The following MCTP2 variants were observed in gnomAD, a reference collection of about 807,000 sequenced individuals.
The protein encoded by MCTP2 is multiple C2 and transmembrane domain containing 2, also known as multiple C2 and transmembrane domain-containing protein 2.
Under a neutral mutation model 111.6 loss-of-function variants are expected in MCTP2, and 132 were observed. That is an observed-to-expected ratio of 1.18 (90% CI 1.03 to 1.37). The LOEUF is 1.37. Among genes scored for constraint, MCTP2 ranks in the 40% most tolerant of loss-of-function variants. MCTP2 has a pLI of 0.00. For synonymous variants in MCTP2, 395 were observed against 387.7 expected (o/e 1.02, Z -0.22); for missense variants, 1,183 against 1,067.9 (o/e 1.11, Z -1.50).
intron 21 of MCTP2, among the ~76,000 whole-genome samples, chr15:94,473,437 T>C (rs1303691022): frequency 1.3e-5 from 2 of 152,224 alleles, no homozygotes; most frequent in Non-Finnish European, 2.9e-5. Flanking sequence ...GAGAAGTAGA[T>C]TTTAAGGATA....
chr15:94,307,756 C>T (rs762213111), intron 2 of MCTP2, among the ~76,000 whole-genome samples: 3 of 152,028 alleles, frequency 2.0e-5, no homozygotes, highest in Non-Finnish European at 2.9e-5. Flanking sequence ...GGAGAAATGG[C>T]GCACAGGCTG....
chr15:94,415,446 C>T (rs143185772), intron 17 of MCTP2, among the ~76,000 whole-genome samples: 12 of 152,222 alleles, frequency 7.9e-5, no homozygotes, highest in Non-Finnish European at 1.8e-4. Flanking sequence ...ATAGTGAAAA[C>T]GACAGCATCT....
chr15:94,327,373 A>G (rs929544208), intron 4 of MCTP2, among the ~76,000 whole-genome samples: 2 of 152,234 alleles, frequency 1.3e-5, no homozygotes, highest in Admixed American at 6.5e-5. Context: ...AGTATACATT[A>G]AATTGCAGCA....
chr15:94,408,654 ATC>A (rs1219530998), intron 17 of MCTP2, among the ~76,000 whole-genome samples: 1 of 152,232 alleles, frequency 6.6e-6, no homozygotes. Context: ...TAAAAAGATT[ATC>A]TGTTAAAAAT....
rs952843744 is a variant in MCTP2, at chr15:94,420,242, T to C, written c.2085+18223T>C. ...ATTTTTTTCAAAATATCACTGCTCA[T>C]CGAACATGTACCTAGCTGCTCAAGA... On this transcript the variant is annotated intron_variant, in intron 17 of 22. Transcript: ENST00000357742. 8.5e-5 allele frequency among the ~76,000 whole-genome samples: 13 copies of C among 152,146 alleles called. 1 individual carries two copies. Among genetic ancestry groups the C allele is most frequent in the Non-Finnish European group, 1.3e-4 (9 of 68,030 alleles).
At chr15:94,477,948 A>C (rs2074502898) in intron 22 of MCTP2, among the ~76,000 whole-genome samples, 1 of 152,196 alleles carries the variant, frequency 6.6e-6, no homozygotes, top group Non-Finnish European at 1.5e-5. Context: ...GCACCTTCGC[A>C]AAACACCATA....
At chr15:94,297,823 C>T (rs950396589) in intron 1 of MCTP2, among the ~76,000 whole-genome samples, 3 of 152,132 alleles carry the variant, frequency 2.0e-5, no homozygotes, top group African/African-American at 7.2e-5. Context: ...AGAAAGTCCC[C>T]ACCCCTTGAT....
At chr15:94,403,527 A>G (rs558149413) in intron 17 of MCTP2, among the ~76,000 whole-genome samples, 4 of 152,356 alleles carry the variant, frequency 2.6e-5, no homozygotes, top group Admixed American at 6.5e-5. Context: ...AGTTTCTGGC[A>G]CTGTGATTTT....
chr15:94,458,272 G>A (rs751090278), intron 20 of MCTP2, 26 bp downstream of exon 20: 3 of 1,366,312 alleles, frequency 2.2e-6, no homozygotes, highest in Non-Finnish European at 3.1e-6. Context: ...GTGTTGTGGT[G>A]TTTGCAGTAG....
At chr15:94,250,103 CAT>C (rs2072305326) in intron 1 of MCTP2, among the ~76,000 whole-genome samples, 1 of 152,028 alleles carries the variant, frequency 6.6e-6, no homozygotes, top group South Asian at 2.1e-4. Context: ...GAGCCATAAA[CAT>C]AGTTTTGGTA....
chr15:94,256,306 A>G (rs1212770092), intron 1 of MCTP2, among the ~76,000 whole-genome samples: 1 of 152,058 alleles, frequency 6.6e-6, no homozygotes, highest in African/African-American at 2.4e-5. Context: ...ACATCTCATT[A>G]TGTATATGCA....
chr15:94,379,983 G>A (rs972508374), intron 12 of MCTP2, among the ~76,000 whole-genome samples: 7 of 150,636 alleles, frequency 4.6e-5, no homozygotes, highest in African/African-American at 1.5e-4. Flanking sequence ...CCACAAGAAG[G>A]ACTTATCCAT....
chr15:94,352,687 A>C (rs1208154184), intron 8 of MCTP2, among the ~76,000 whole-genome samples: 3 of 152,064 alleles, frequency 2.0e-5, no homozygotes, highest in Non-Finnish European at 2.9e-5. Flanking sequence ...GACAAATTTC[A>C]CGTATAGGTT....
chr15:94,435,701 G>A (rs1166336454), intron 17 of MCTP2, among the ~76,000 whole-genome samples: 2 of 128,330 alleles, frequency 1.6e-5, no homozygotes, highest in Non-Finnish European at 3.3e-5. Context: ...GCGCGATCTC[G>A]GCTCACTGCA....
At chr15:94,442,042 T>C (rs2083812947) in intron 18 of MCTP2, among the ~76,000 whole-genome samples, 1 of 152,186 alleles carries the variant, frequency 6.6e-6, no homozygotes, top group Non-Finnish European at 1.5e-5. Context: ...TTAGAGTTAC[T>C]CCCTTTTAAG....
At chr15:94,380,814 A>G (rs1038386922) in intron 12 of MCTP2, among the ~76,000 whole-genome samples, 5 of 152,214 alleles carry the variant, frequency 3.3e-5, no homozygotes, top group African/African-American at 1.2e-4. Flanking sequence ...TGACAATTGT[A>G]ACACATTTAT....
chr15:94,472,060 C>G (rs985210163), intron 21 of MCTP2, among the ~76,000 whole-genome samples: 7 of 152,204 alleles, frequency 4.6e-5, no homozygotes, highest in African/African-American at 1.7e-4. Context: ...TGGTCTGTTT[C>G]TATGCATCTT....
intron 4 of MCTP2, among the ~76,000 whole-genome samples, chr15:94,325,050 C>T (rs1201642922): frequency 6.6e-6 from 1 of 152,176 alleles, no homozygotes; most frequent in Non-Finnish European, 1.5e-5. Context: ...AGGCTTGGGC[C>T]ACCATAAACC....
chr15:94,243,714 T>A (rs2071348181), intron 1 of MCTP2, among the ~76,000 whole-genome samples: 1 of 128,658 alleles, frequency 7.8e-6, no homozygotes, highest in African/African-American at 3.3e-5. Context: ...TACACATATA[T>A]GTATACACAT....
Sources: gnomAD v4.1 joint callset for allele counts (sites outside exome capture counted in the v4.1 genomes callset) on GRCh38, gnomAD v4.1.1 for gene constraint, MANE v1.5 for transcripts, NCBI Gene and HGNC (gene_info 2026-07-23, HGNC 2026-07-21) for gene names.